RAB3GAP1: variants seen among roughly 807,000 people sequenced by gnomAD.
RAB3GAP1 encodes the protein rab3 GTPase-activating protein catalytic subunit.
Under a neutral mutation model 130.7 loss-of-function variants are expected in RAB3GAP1, and 86 were observed. The observed-to-expected ratio is 0.66, with a 90% confidence interval of 0.55 to 0.79. RAB3GAP1 has a LOEUF of 0.79. Among genes scored for constraint, RAB3GAP1 ranks in the 30% least tolerant of loss-of-function variants. The probability of loss-of-function intolerance (pLI) is 0.00; values close to 1 mark genes in which losing one functional copy is unlikely to be tolerated. For synonymous variants in RAB3GAP1, 367 were observed against 401.7 expected, an observed-to-expected ratio of 0.91 and a Z score of 1.03; for missense variants, 1,029 against 1,169.4, an observed-to-expected ratio of 0.88 and a Z score of 1.75.
intron 5 of RAB3GAP1, among the ~76,000 whole-genome samples, chr2:135,097,764 A>G (rs745722210): frequency 1.3e-5 from 2 of 152,200 alleles, no homozygotes; most frequent in Non-Finnish European, 2.9e-5. Context: ...AGGATATACC[A>G]AGCTGTTTAT....
chr2:135,117,777 GCTTCTTCTGCTTCTT>G (rs1558784836), intron 7 of RAB3GAP1, among the ~76,000 whole-genome samples: 18 of 67,548 alleles, frequency 2.7e-4, no homozygotes, highest in African/African-American at 7.6e-4. Context: ...TGCTTCTTCT[GCTTCTTCTGCTTCTT>G]CTTCTTCTTC....
chr2:135,097,112 A>G (rs913767863), intron 5 of RAB3GAP1, among the ~76,000 whole-genome samples: 2 of 152,036 alleles, frequency 1.3e-5, no homozygotes, highest in Admixed American at 6.6e-5. Context: ...TAGTATCAAA[A>G]TCAGGAGATA....
chr2:135,129,703 T>C (rs1396924156), intron 11 of RAB3GAP1, among the ~76,000 whole-genome samples: 2 of 152,112 alleles, frequency 1.3e-5, no homozygotes, highest in African/African-American at 4.8e-5. Flanking sequence ...GGATACTGTG[T>C]CTCATTGAGG....
chr2:135,116,609 AGTATCAAT>A (rs1690978046), intron 7 of RAB3GAP1, among the ~76,000 whole-genome samples: 1 of 152,250 alleles, frequency 6.6e-6, no homozygotes, highest in Non-Finnish European at 1.5e-5. Flanking sequence ...ATTAGAAAAT[AGTATCAAT>A]GTTTAATTTA....
At chr2:135,056,483 G>A (rs1275936253) in intron 2 of RAB3GAP1, among the ~76,000 whole-genome samples, 5 of 152,206 alleles carry the variant, frequency 3.3e-5, no homozygotes, top group South Asian at 2.1e-4. Flanking sequence ...GATTACACGC[G>A]TGAGCCGCTG....
rs572822071 is a variant in RAB3GAP1 at position 135,122,673 on chromosome 2, T to A, written c.749-1492T>A. The stretch of plus-strand genomic sequence containing the variant: ...TGCTTTTCATATTTTATATCCCATT[T>A]TGTATAATTTTCACTTACCTGTGAG... On this transcript the variant is annotated intron_variant, in intron 8 of 23. Transcript: ENST00000264158. 2.6e-5 allele frequency among the ~76,000 whole-genome samples: 4 copies of A among 152,320 alleles called. No individual in the cohort carries two copies. The East Asian group carries it at 5.8e-4, about 22-fold the overall frequency.
At chr2:135,083,675 G>T (rs921589071) in intron 3 of RAB3GAP1, among the ~76,000 whole-genome samples, 6 of 150,118 alleles carry the variant, frequency 4.0e-5, no homozygotes, top group African/African-American at 1.5e-4. Context: ...TTGTTACTCA[G>T]GCTGGTCCTA....
chr2:135,131,194 T>A (rs137921367), intron 13 of RAB3GAP1, among the ~76,000 whole-genome samples: 32 of 152,318 alleles, frequency 2.1e-4, no homozygotes, highest in Admixed American at 2.1e-3. Flanking sequence ...AAGTAGAAGA[T>A]CAACATGATT....
intron 22 of RAB3GAP1, among the ~76,000 whole-genome samples, chr2:135,163,952 GAGA>G (rs1448652093): frequency 3.3e-5 from 5 of 152,222 alleles, no homozygotes; most frequent in South Asian, 2.1e-4. Context: ...CCTTTTAAAT[GAGA>G]AGAATAAGCT....
chr2:135,132,908 A>G lies in RAB3GAP1; in HGVS notation c.1250A>G (p.Asp417Gly). ...CTTTCCTTCAAGTTCTTATTCCCTG[A>G]TGCTGTTTCTGAGAAACCATTAGAT... is the stretch of plus-strand genomic sequence containing the variant. ...LNTILLFLFP[D>G]AVSEKPLDGT... Residue 417 changes from aspartate (D) to glycine (G), a missense_variant, in exon 14 of 24, where the codon GAT (aspartate) becomes GGT (glycine). Transcript: ENST00000264158. The G allele has an allele frequency of 1.9e-6, 3 of 1,564,266 alleles. No homozygotes were observed. The highest frequency in any genetic ancestry group is 2.6e-6 in the Non-Finnish European group (3 of 1,135,098).
intron 17 of RAB3GAP1, among the ~76,000 whole-genome samples, chr2:135,144,361 T>C (rs1691935555): frequency 6.6e-6 from 1 of 152,164 alleles, no homozygotes; most frequent in Non-Finnish European, 1.5e-5. Context: ...GGTCCAGAGC[T>C]TTTATGGGCT....
intron 19 of RAB3GAP1, among the ~76,000 whole-genome samples, chr2:135,156,583 A>T (rs1466955145): frequency 1.2e-4 from 18 of 152,190 alleles, no homozygotes; most frequent in Non-Finnish European, 7.3e-5. Context: ...AAAACTTTTG[A>T]TAAATTTAAC....
chr2:135,081,353 T>TATATATATAC (rs1360204631), intron 3 of RAB3GAP1, among the ~76,000 whole-genome samples: 1 of 91,156 alleles, frequency 1.1e-5, no homozygotes, highest in East Asian at 3.0e-4. Flanking sequence ...TATATATATA[T>TATATATATAC]ATATATATAC....
intron 2 of RAB3GAP1, among the ~76,000 whole-genome samples, chr2:135,053,093 G>C (rs1349580510): frequency 6.6e-6 from 1 of 152,210 alleles, no homozygotes; most frequent in Admixed American, 6.5e-5. Flanking sequence ...CTAGGCTCAA[G>C]TGAAGCTCCC....
rs1259081793 is a variant in RAB3GAP1, at chr2:135,130,699, A to G, written c.1214A>G (p.Asp405Gly). Residue 405 changes from aspartate (D) to glycine (G), a missense_variant, in exon 13 of 24, where the codon GAT becomes GGT. Asp to Gly is a moderately conservative substitution (Grantham distance 94, BLOSUM62 -1). This residue lies in a region of RAB3GAP1 where 510 missense variants were observed against 532.1 expected (regional missense o/e 0.96). Transcript: ENST00000264158. ...RGVEESPLNN[D>G]VLNTILLFLF... is the part of the protein sequence containing the mutation. The stretch of plus-strand genomic sequence containing the variant: ...GTAGAGGAGTCACCGCTAAATAATG[A>G]TGTTCTTAATACTATTCTCCTGGTA... 3 of 1,613,346 alleles carry G rather than the reference A, an allele frequency of 1.9e-6. No individual in the cohort carries two copies. The highest frequency in any genetic ancestry group is 2.5e-6 in the Non-Finnish European group (3 of 1,179,494).
chr2:135,095,534 C>T (rs1690268783), intron 5 of RAB3GAP1, among the ~76,000 whole-genome samples: 1 of 152,108 alleles, frequency 6.6e-6, no homozygotes, highest in Admixed American at 6.5e-5. Flanking sequence ...GGATGTTGAT[C>T]TGTTATGTGA....
Position 135,065,153 on chromosome 2 carries a change from A to G in RAB3GAP1, c.150+7067A>G, listed in dbSNP as rs116221049. Among the ~76,000 whole-genome samples the G allele has an allele frequency of 4.2e-3, 646 of 152,244 alleles. 4 individuals carry two copies. Among genetic ancestry groups the G allele is most frequent in the African/African-American group, 0.014 (581 of 41,556 alleles). Reference sequence around the variant, plus strand: ...CTTCCCTTCCAGAATTTACACCTCAATGTTAGAACTGTCCTGTCACCCTCA... The same window carrying G: ...CTTCCCTTCCAGAATTTACACCTCAGTGTTAGAACTGTCCTGTCACCCTCA... On this transcript the variant is annotated intron_variant, in intron 3 of 23. Transcript: ENST00000264158.
chr2:135,098,990 T>C (rs1024925878), intron 5 of RAB3GAP1, among the ~76,000 whole-genome samples: 8 of 152,210 alleles, frequency 5.3e-5, no homozygotes, highest in Non-Finnish European at 1.5e-5. Context: ...TATTATTTCT[T>C]TTCTAATCTC....
intron 3 of RAB3GAP1, among the ~76,000 whole-genome samples, chr2:135,086,269 T>C (rs1434141305): frequency 6.6e-6 from 1 of 152,198 alleles, no homozygotes; most frequent in Non-Finnish European, 1.5e-5. Flanking sequence ...GGTAGTTACA[T>C]GTTTACTTTT....
Sources: allele counts gnomAD v4.1 joint callset (sites outside exome capture counted in the v4.1 genomes callset), GRCh38; gene constraint gnomAD v4.1.1; regional missense constraint gnomAD v4.1.1; transcripts MANE v1.5; gene names NCBI Gene and HGNC (gene_info 2026-07-23, HGNC 2026-07-21).